MYO16: variants seen among roughly 807,000 people sequenced by gnomAD.
MYO16 encodes unconventional myosin-XVI.
MYO16 carries 94 observed loss-of-function variants against 205.3 expected under a neutral mutation model. The observed-to-expected ratio is 0.46, with a 90% CI of 0.39 to 0.54. The LOEUF (loss-of-function observed/expected upper bound fraction) is 0.54, where lower values mean the gene tolerates loss of function less well. Ranked by LOEUF, MYO16 falls within the 20% of genes least tolerant of loss-of-function variation. The probability of loss-of-function intolerance (pLI) is 0.00; values close to 1 mark genes in which losing one functional copy is unlikely to be tolerated. For synonymous variants in MYO16, 988 were observed against 954.0 expected (o/e 1.04, Z -0.66); for missense variants, 2,315 against 2,387.5 (o/e 0.97, Z 0.63).
the MYO16 span, among the ~76,000 whole-genome samples, chr13:108,552,436 C>G: frequency 6.6e-6 from 1 of 152,092 alleles, no homozygotes; most frequent in African/African-American, 2.4e-5. Context: ...TGTCTTACAG[C>G]TCACTCACTC....
rs149704651 is a variant in MYO16 at position 108,820,362 on chromosome 13, T to A, written c.893T>A (p.Met298Lys). ...ACAAATCTGGTGAAACTTCTCCTGA[T>A]GCATCAGGCAAACCCACACCTCGTG... ...GQTNLVKLLL[M>K]HQANPHLVNC... is the part of the protein sequence containing the mutation. The change falls in exon 8 of 35, where the codon ATG becomes AAG. Residue 298 changes from methionine to lysine, a missense_variant. Physicochemically the swap from Met to Lys is moderately conservative, Grantham distance 95 (BLOSUM62 -1). Coordinates refer to ENST00000457511, the MANE Select transcript of MYO16 (RefSeq NM_001198950.3). The A allele has an allele frequency of 2.8e-3, 4,429 of 1,605,294 alleles. 74 individuals are homozygous for A. The Admixed American group carries it at 0.039, about 14-fold the overall frequency.
At chr13:109,001,175 A>G (rs1404211361) in intron 21 of MYO16, among the ~76,000 whole-genome samples, 1 of 147,664 alleles carries the variant, frequency 6.8e-6, no homozygotes, top group Admixed American at 6.8e-5. Context: ...AACAGAATAA[A>G]AAATTTAAAA....
At chr13:108,766,298 T>A (rs1479341477) in intron 4 of MYO16, among the ~76,000 whole-genome samples, 1 of 152,210 alleles carries the variant, frequency 6.6e-6, no homozygotes, top group Admixed American at 6.5e-5. Flanking sequence ...TCAAGTACGA[T>A]AGAGATAGCC....
At chr13:108,614,885 T>A (rs1001567659) in intron 1 of MYO16, among the ~76,000 whole-genome samples, 7 of 81,608 alleles carry the variant, frequency 8.6e-5, no homozygotes, top group Admixed American at 7.2e-4. Flanking sequence ...AGGAGTAAAT[T>A]TTTGTGACCT....
intron 7 of MYO16, among the ~76,000 whole-genome samples, chr13:108,811,917 C>G (rs1478800680): frequency 6.6e-6 from 1 of 152,152 alleles, no homozygotes; most frequent in Non-Finnish European, 1.5e-5. Context: ...AACACAGTAT[C>G]CTTTCCATTG....
chr13:108,721,495 A>G (rs1345200865), intron 3 of MYO16, among the ~76,000 whole-genome samples: 1 of 152,156 alleles, frequency 6.6e-6, no homozygotes, highest in Non-Finnish European at 1.5e-5. Context: ...GAGGGATGAC[A>G]TTTTGGGGAT....
intron 32 of MYO16, among the ~76,000 whole-genome samples, chr13:109,147,408 T>C (rs1442532549): frequency 6.6e-6 from 1 of 152,186 alleles, no homozygotes; most frequent in African/African-American, 2.4e-5. Context: ...CAGGACGGTG[T>C]GTGCAAATTG....
At chr13:108,726,527 C>A (rs1217555009) in intron 3 of MYO16, among the ~76,000 whole-genome samples, 3 of 150,298 alleles carry the variant, frequency 2.0e-5, no homozygotes, top group Non-Finnish European at 4.4e-5. Flanking sequence ...CCACTGCACT[C>A]CATTCTGGTG....
chr13:109,061,231 G>A (rs1379949160), intron 27 of MYO16, among the ~76,000 whole-genome samples: 3 of 152,018 alleles, frequency 2.0e-5, no homozygotes, highest in Non-Finnish European at 4.4e-5. Context: ...TCTCCATATC[G>A]GCAATAAGGC....
At chr13:108,725,623 A>C (rs1470075957) in intron 3 of MYO16, among the ~76,000 whole-genome samples, 4 of 152,146 alleles carry the variant, frequency 2.6e-5, no homozygotes, top group Non-Finnish European at 5.9e-5. Flanking sequence ...CTTGCAACTT[A>C]TGAGCCCTGA....
At chr13:108,808,135 A>T (rs190464937) in intron 7 of MYO16, among the ~76,000 whole-genome samples, 46 of 152,170 alleles carry the variant, frequency 3.0e-4, no homozygotes, top group Admixed American at 1.1e-3. Context: ...AGAATCAGAA[A>T]TTTTATCCCT....
chr13:109,198,638 A>C (rs1000071156), intron 34 of MYO16, among the ~76,000 whole-genome samples: 1 of 152,212 alleles, frequency 6.6e-6, no homozygotes, highest in Admixed American at 6.5e-5. Context: ...GGATAATCAT[A>C]ATTCAGCAGT....
intron 13 of MYO16, among the ~76,000 whole-genome samples, chr13:108,886,891 GT>G (rs1366815279): frequency 6.6e-6 from 1 of 152,076 alleles, no homozygotes; most frequent in Non-Finnish European, 1.5e-5. Flanking sequence ...AGGACTTACT[GT>G]TTTAGTGATT....
rs751233713 is a variant in MYO16, at chr13:108,752,808, A to ATCTTTTTTTTTTTTTTTTTTTTTTTTTTT, written c.507+25226_507+25227insCTTTTTTTTTTTTTTTTTTTTTTTTTTTT. 4.4e-5 allele frequency among the ~76,000 whole-genome samples: 4 copies of ATCTTTTTTTTTTTTTTTTTTTTTTTTTTT among 90,576 alleles called. 1 individual carries two copies. The highest frequency in any genetic ancestry group is 4.4e-4 in the South Asian group (1 of 2,258). The allele number at this position is 90,576 out of a possible 152,430, so 59.4% of individuals were successfully genotyped here. A position where few individuals can be genotyped will look rare whatever the true frequency, so the allele number is the denominator to read the frequency against. ...AGACACCTGCCACCGTGCCCAGCTA[A>ATCTTTTTTTTTTTTTTTTTTTTTTTTTTT]TTTTTTTTTTTTTTTTTTTTTTTTT... On this transcript the variant is annotated intron_variant, in intron 4 of 34. Transcript: ENST00000457511.
rs1283903283 is a variant in MYO16 at position 108,810,848 on chromosome 13, C to A, written c.867+4044C>A. ...GAAGGAGGTAGCTCACAATCTATAA[C>A]TGTACTTATTATTTACATTTATAGT... On this transcript the variant is annotated intron_variant, in intron 7 of 34. Coordinates refer to ENST00000457511, the MANE Select transcript of MYO16 (RefSeq NM_001198950.3). Among the ~76,000 whole-genome samples, 8 of 152,264 alleles carry A rather than the reference C, an allele frequency of 5.3e-5. No individual in the cohort carries two copies. In the East Asian group the frequency reaches 1.5e-3, roughly 29 times the overall value.
intron 33 of MYO16, among the ~76,000 whole-genome samples, chr13:109,179,241 TCTAGAAGTTTCCCTTCTCCC>T (rs1354493207): frequency 6.6e-6 from 1 of 152,188 alleles, no homozygotes; most frequent in African/African-American, 2.4e-5. Flanking sequence ...CTTTTCAGTC[TCTAGAAGTTTCCCTTCTCCC>T]CTCCAATACT....
chr13:108,672,333 G>T (rs993652793), intron 2 of MYO16, among the ~76,000 whole-genome samples: 1 of 152,140 alleles, frequency 6.6e-6, no homozygotes, highest in African/African-American at 2.4e-5. Context: ...ATTGCCATAA[G>T]AAAAAAGTTT....
chr13:109,178,357 G>A (rs1051197263), intron 33 of MYO16, among the ~76,000 whole-genome samples: 18 of 152,098 alleles, frequency 1.2e-4, no homozygotes, highest in African/African-American at 4.3e-4. Context: ...CAAGGTATCT[G>A]GACATGTAAC....
chr13:108,765,283 CACT>C (rs149726677), intron 4 of MYO16, among the ~76,000 whole-genome samples: 6,174 of 152,128 alleles, frequency 0.041, 166 homozygotes, highest in Non-Finnish European at 0.062. Context: ...AATAATTTTT[CACT>C]ACTTTTATAT....
Sources: allele counts gnomAD v4.1 joint callset (sites outside exome capture counted in the v4.1 genomes callset), GRCh38; gene constraint gnomAD v4.1.1; transcripts MANE v1.5; gene names NCBI Gene and HGNC (gene_info 2026-07-23, HGNC 2026-07-21).